Variants in KMT2E observed in about 807,000 individuals in gnomAD.
The protein encoded by KMT2E is lysine methyltransferase 2E (inactive), also known as histone reader KMT2E.
Under a neutral mutation model 184.6 loss-of-function variants are expected in KMT2E, and 30 were observed. That is an observed-to-expected ratio of 0.16 (90% CI 0.12 to 0.22). The LOEUF is 0.22. KMT2E is among the 10% of genes least tolerant of loss of function. KMT2E has a pLI of 1.00. For synonymous variants in KMT2E, 815 were observed against 776.5 expected (o/e 1.05, Z -0.82); for missense variants, 2,023 against 2,237.4 (o/e 0.90, Z 1.93).
intron 3 of KMT2E, among the ~76,000 whole-genome samples, chr7:105,052,678 C>T (rs943906314): frequency 3.3e-5 from 5 of 152,140 alleles, no homozygotes; most frequent in African/African-American, 1.2e-4. Context: ...CCTGCCTCAG[C>T]CTCCCAAGTA....
chr7:105,045,187 A>G (rs1796048858), intron 3 of KMT2E, among the ~76,000 whole-genome samples: 1 of 152,244 alleles, frequency 6.6e-6, no homozygotes, highest in Non-Finnish European at 1.5e-5. Flanking sequence ...CATCACATTA[A>G]GGCCCATGCC....
At chr7:105,052,966 G>T (rs931814833) in intron 3 of KMT2E, among the ~76,000 whole-genome samples, 3 of 152,102 alleles carry the variant, frequency 2.0e-5, no homozygotes, top group African/African-American at 7.2e-5. Flanking sequence ...CTATACTTCA[G>T]TTGTTAAGAA....
chr7:105,052,312 C>T (rs1216769623), intron 3 of KMT2E, among the ~76,000 whole-genome samples: 1 of 152,162 alleles, frequency 6.6e-6, no homozygotes, highest in Admixed American at 6.5e-5. Flanking sequence ...CTTAGCTAAA[C>T]TCAAATATCA....
At chr7:105,056,067 A>G (rs988068769) in intron 3 of KMT2E, among the ~76,000 whole-genome samples, 2 of 152,212 alleles carry the variant, frequency 1.3e-5, no homozygotes, top group African/African-American at 4.8e-5. Flanking sequence ...GATGGTTGCT[A>G]GTGAACATTA....
Position 105,106,563 on chromosome 7 carries a change from C to A in KMT2E, c.2638C>A (p.Leu880Ile), listed in dbSNP as rs1447021198. 1.2e-6 allele frequency: 2 copies of A among 1,612,466 alleles called. No individual in the cohort carries two copies. Among genetic ancestry groups the A allele is most frequent in the South Asian group, 2.2e-5 (2 of 91,044 alleles). ...PLKKRRFYQL[L>I]DSVYSETSTP... is the part of the protein sequence containing the mutation. ...AAAAAAACGAAGATTTTATCAGTTGCTAGATTCGGTTTACTCAGAAACCTC... is the reference window on the plus strand; with the variant it reads ...AAAAAAACGAAGATTTTATCAGTTGATAGATTCGGTTTACTCAGAAACCTC... The change falls in exon 20 of 27, where the codon CTA becomes ATA. Residue 880 changes from leucine to isoleucine, a missense_variant. Transcript: ENST00000311117.
chr7:105,063,668 G>T, intron 5 of KMT2E, 88 bp downstream of exon 5: 1 of 814,898 alleles, frequency 1.2e-6, no homozygotes, highest in Non-Finnish European at 1.9e-6. Context: ...TCACTTTCAA[G>T]GGAATTAATG....
At chr7:105,075,721 G>A (rs1054627410) in intron 8 of KMT2E, among the ~76,000 whole-genome samples, 1 of 151,324 alleles carries the variant, frequency 6.6e-6, no homozygotes, top group Non-Finnish European at 1.5e-5. Context: ...ATGTTGCCCA[G>A]GCTGGAGTGC....
At chr7:105,046,497 A>G (rs984101767) in intron 3 of KMT2E, among the ~76,000 whole-genome samples, 2 of 152,184 alleles carry the variant, frequency 1.3e-5, no homozygotes, top group African/African-American at 2.4e-5. Flanking sequence ...TGAGCCAAAT[A>G]TTGCATTGAA....
Position 105,113,225 on chromosome 7 carries a change from G to T in KMT2E, c.5469G>T (p.Gly1823=), listed in dbSNP as rs1168548517. The change falls in exon 27 of 27, where the codon GGG becomes GGT. Residue 1823 remains glycine, a synonymous_variant. Coordinates refer to ENST00000311117, the MANE Select transcript of KMT2E (RefSeq NM_182931.3). ...CTGGCTCTGTGGCCCTGCCACATGG[G>T]GTTCAAGGACCTCAGCAGGCATCTC... The part of the protein sequence containing the change: ...PHPGSVALPH[G]VQGPQQASPV... The T allele has an allele frequency of 1.2e-6, 2 of 1,614,054 alleles. No homozygotes were observed. The highest frequency in any genetic ancestry group is 1.7e-6 in the Non-Finnish European group (2 of 1,180,044).
intron 1 of KMT2E, among the ~76,000 whole-genome samples, chr7:105,028,715 G>A (rs1240514622): frequency 1.3e-5 from 2 of 151,632 alleles, no homozygotes. Context: ...TGTTGTCCAG[G>A]GTGGTCTCTA....
intron 1 of KMT2E, among the ~76,000 whole-genome samples, chr7:105,029,107 TA>T (rs1201030608): frequency 1.3e-5 from 2 of 151,944 alleles, no homozygotes; most frequent in Non-Finnish European, 2.9e-5. Flanking sequence ...TCTACTAAAA[TA>T]CAAAAATTAG....
At chr7:105,032,163 G>T (rs1254486705) in intron 1 of KMT2E, among the ~76,000 whole-genome samples, 1 of 151,894 alleles carries the variant, frequency 6.6e-6, no homozygotes, top group Non-Finnish European at 1.5e-5. Context: ...GATAAATGGG[G>T]CTGGGCGTGG....
At position 105,073,697 on chromosome 7, in the gene KMT2E, A is replaced by G. The variant is rs1286918204; in HGVS notation, c.556+20A>G. On this transcript the variant is annotated intron_variant, in intron 7 of 26. Transcript: ENST00000311117. ...TGTCAGGTAGGTAAAAAGGACCTACACTAAATTAAAATTCGTGTGATTGAG... is the reference window on the plus strand; with the variant it reads ...TGTCAGGTAGGTAAAAAGGACCTACGCTAAATTAAAATTCGTGTGATTGAG... 4.0e-6 allele frequency: 6 copies of G among 1,490,084 alleles called. No homozygotes were observed. The highest frequency in any genetic ancestry group is 3.4e-4 in the Middle Eastern group (2 of 5,822). 92.3% of individuals were successfully genotyped at this position (1,490,084 alleles called of 1,614,324 possible).
At chr7:105,061,374 A>C (rs1212191379) in intron 3 of KMT2E, among the ~76,000 whole-genome samples, 1 of 152,232 alleles carries the variant, frequency 6.6e-6, no homozygotes, top group Admixed American at 6.5e-5. Context: ...ACAGAAACAA[A>C]TCATGTTATT....
chr7:105,088,776 C>T (rs1296806300), intron 13 of KMT2E, among the ~76,000 whole-genome samples: 2 of 152,276 alleles, frequency 1.3e-5, no homozygotes, highest in African/African-American at 4.8e-5. Flanking sequence ...TTTAATCTCA[C>T]TTGTAAAATG....
chr7:105,066,969 ATTGC>A (rs1797051213), intron 6 of KMT2E, among the ~76,000 whole-genome samples, 162 bp downstream of exon 6: 2 of 149,358 alleles, frequency 1.3e-5, no homozygotes, highest in South Asian at 2.1e-4. Context: ...AGGCAGGAAG[ATTGC>A]TTGAGCACAG....
rs905024920 is a variant in KMT2E, at chr7:105,114,135, G to T, written c.*802G>T. 12 of 152,528 alleles carry T rather than the reference G, an allele frequency of 7.9e-5. No homozygotes were observed. The highest frequency in any genetic ancestry group is 2.9e-4 in the African/African-American group (12 of 41,556). 9.4% of individuals were successfully genotyped at this position (152,528 alleles called of 1,614,324 possible). On this transcript the variant is annotated 3_prime_UTR_variant, in exon 27 of 27. Coordinates refer to ENST00000311117, the MANE Select transcript of KMT2E (RefSeq NM_182931.3). ...AGATCGGGATCTGTGTGTTTCTACA[G>T]AAGTTCTAGTTTTCAAATATAGATT...
At chr7:105,109,936 C>G (rs1018961827) in intron 23 of KMT2E, among the ~76,000 whole-genome samples, 7 of 151,590 alleles carry the variant, frequency 4.6e-5, no homozygotes, top group Admixed American at 2.0e-4. Context: ...CTCCACTTCC[C>G]AAGTTCAAGC....
rs117255938 is a variant in KMT2E at position 105,052,883 on chromosome 7, A to G, written c.72-9281A>G. On this transcript the variant is annotated intron_variant, in intron 3 of 26. Coordinates refer to ENST00000311117, the MANE Select transcript of KMT2E (RefSeq NM_182931.3). ...GCATGAGCCACTGCACCCAGCCTGT[A>G]TTGCTTGAAGATCTAATAGTTAACC... is the stretch of plus-strand genomic sequence containing the variant. Among the ~76,000 whole-genome samples, 77 of 152,136 alleles carry G rather than the reference A, an allele frequency of 5.1e-4. 1 individual carries two copies. The East Asian group carries it at 0.013, about 25-fold the overall frequency.
Sources: allele counts gnomAD v4.1 joint callset (sites outside exome capture counted in the v4.1 genomes callset), GRCh38; gene constraint gnomAD v4.1.1; transcripts MANE v1.5; gene names NCBI Gene and HGNC (gene_info 2026-07-23, HGNC 2026-07-21).